The following ADH4 variants were observed in gnomAD, a reference collection of about 807,000 sequenced individuals.
ADH4 encodes all-trans-retinol dehydrogenase [NAD(+)] ADH4.
ADH4 carries 31 observed loss-of-function variants against 35.2 expected under a neutral mutation model. That is an observed-to-expected ratio of 0.88 (90% CI 0.66 to 1.19). ADH4 has a LOEUF of 1.19. Among genes scored for constraint, ADH4 ranks in the 50% most tolerant of loss-of-function variants. ADH4 has a pLI of 0.00. For synonymous variants in ADH4, 171 were observed against 160.2 expected (o/e 1.07, Z -0.51); for missense variants, 476 against 458.3 (o/e 1.04, Z -0.35).
chr4:99,142,623 GCCAGGTCTCCACTT>G, intron 2 of ADH4, 42 bp downstream of exon 2: 3 of 1,170,632 alleles, frequency 2.6e-6, no homozygotes, highest in Non-Finnish European at 3.5e-6. Flanking sequence ...CCTGACAGAA[GCCAGGTCTCCACTT>G]GGGGCCCTGT....
intron 4 of ADH4, among the ~76,000 whole-genome samples, chr4:99,138,181 T>C (rs1200357330): frequency 6.6e-6 from 1 of 152,198 alleles, no homozygotes; most frequent in Non-Finnish European, 1.5e-5. Flanking sequence ...TTTTATAACA[T>C]TTATTAGAAA....
intron 6 of ADH4, among the ~76,000 whole-genome samples, chr4:99,128,068 C>T (rs1366025455): frequency 6.6e-6 from 1 of 151,712 alleles, no homozygotes; most frequent in Non-Finnish European, 1.5e-5. Context: ...ACTGAATCAC[C>T]TAATTTATCA....
chr4:99,127,345 C>T lies in ADH4; in HGVS notation c.844-1G>A, dbSNP rs1197166809. The T allele has an allele frequency of 6.3e-7, 1 of 1,589,654 alleles. No homozygotes were observed. Among genetic ancestry groups the T allele is most frequent in the Non-Finnish European group, 8.6e-7 (1 of 1,169,438 alleles). On this transcript the variant is annotated splice_acceptor_variant, in intron 6 of 8. Transcript: ENST00000265512. LOFTEE classifies it high-confidence loss of function. The stretch of plus-strand genomic sequence containing the variant: ...CGGTTGTACAGTCCAGGGCTGCTTT[C>T]TGTGATGGAGCATAAAAGAATACTT...
chr4:99,136,734 G>C, intron 4 of ADH4, 37 bp from the exon 5 acceptor site: 2 of 1,353,750 alleles, frequency 1.5e-6, no homozygotes, highest in Non-Finnish European at 2.1e-6. Flanking sequence ...CAAATAAAGA[G>C]AAGTTATAAT....
chr4:99,132,470 CT>C (rs1161792131), intron 5 of ADH4, among the ~76,000 whole-genome samples: 1 of 152,096 alleles, frequency 6.6e-6, no homozygotes, highest in Non-Finnish European at 1.5e-5. Context: ...CAATGCCTGT[CT>C]TTTTGCTTTT....
intron 1 of ADH4, chr4:99,143,384 A>AG (rs1729699638): frequency 4.2e-6 from 2 of 477,840 alleles, no homozygotes; most frequent in Admixed American, 6.7e-5. Context: ...ATTTATCTGT[A>AG]GGATATAAAT....
At chr4:99,144,055 A>G in intron 1 of ADH4, 150 bp downstream of exon 1, 1 of 789,414 alleles carries the variant, frequency 1.3e-6, no homozygotes, top group Non-Finnish European at 2.0e-6. Flanking sequence ...TAATTTCCCT[A>G]GAATAAATTC....
chr4:99,136,776 A>G (rs1729448663), intron 4 of ADH4, 79 bp from the exon 5 acceptor site: 1 of 889,852 alleles, frequency 1.1e-6, no homozygotes, highest in South Asian at 1.7e-5. Flanking sequence ...CCTACAAAAT[A>G]TGTTGAGCAT....
intron 2 of ADH4, among the ~76,000 whole-genome samples, chr4:99,141,886 C>A (rs1729636742): frequency 6.6e-6 from 1 of 152,060 alleles, no homozygotes; most frequent in African/African-American, 2.4e-5. Flanking sequence ...TGTTTTCTAC[C>A]TTTTGCTGTT....
At chr4:99,132,593 AAG>A (rs1211042870) in intron 5 of ADH4, among the ~76,000 whole-genome samples, 1 of 152,200 alleles carries the variant, frequency 6.6e-6, no homozygotes, top group East Asian at 1.9e-4. Flanking sequence ...ATTATTATGA[AAG>A]AGTCTTCTGT....
intron 8 of ADH4, among the ~76,000 whole-genome samples, chr4:99,125,389 T>G (rs1729055165): frequency 6.6e-6 from 1 of 152,218 alleles, no homozygotes; most frequent in African/African-American, 2.4e-5. Flanking sequence ...TGTGGGAGAC[T>G]TGCCCATAAA....
intron 1 of ADH4, chr4:99,143,187 G>T: frequency 1.4e-6 from 1 of 702,058 alleles, no homozygotes; most frequent in East Asian, 2.7e-5. Context: ...AATTGCTGGA[G>T]AATAGATGTG....
chr4:99,139,413 C>T (rs1729542732), intron 3 of ADH4, among the ~76,000 whole-genome samples: 1 of 152,164 alleles, frequency 6.6e-6, no homozygotes, highest in Admixed American at 6.5e-5. Context: ...TGGGACTTTG[C>T]TGTCATTGTG....
chr4:99,139,142 T>G lies in ADH4; in HGVS notation c.269A>C (p.Lys90Thr). The G allele has an allele frequency of 6.2e-7, 1 of 1,612,316 alleles. No homozygotes were observed. Among genetic ancestry groups the G allele is most frequent in the African/African-American group, 1.3e-5 (1 of 75,006 alleles). ...TAGAGGTGCATAAAGTGGAATTACT[T>G]TGTCACCTAGAAAGAAAGGCCATAT... ...PGVTNVKPGD[K>T]VIPLYAPLCR... Residue 90 changes from lysine to threonine, a missense_variant, in exon 4 of 9, where the codon AAA becomes ACA. Physicochemically the swap from Lys to Thr is moderately conservative, Grantham distance 78. Transcript: ENST00000265512.
At chr4:99,141,459 T>C in intron 3 of ADH4, 82 bp downstream of exon 3, 1 of 1,371,070 alleles carries the variant, frequency 7.3e-7, no homozygotes, top group East Asian at 2.4e-5. Context: ...AGATCAATTA[T>C]AGCATGCCAA....
intron 4 of ADH4, among the ~76,000 whole-genome samples, chr4:99,138,755 C>A (rs1560780282): frequency 6.6e-6 from 1 of 152,108 alleles, no homozygotes; most frequent in Non-Finnish European, 1.5e-5. Flanking sequence ...ACATGCAGCT[C>A]AAGTTTAGCC....
intron 3 of ADH4, among the ~76,000 whole-genome samples, chr4:99,139,594 A>G (rs1008839952): frequency 6.6e-6 from 1 of 152,162 alleles, no homozygotes; most frequent in African/African-American, 2.4e-5. Context: ...CCACTTTTTA[A>G]TAAATTCCAA....
chr4:99,143,325 C>A, intron 1 of ADH4: 1 of 671,398 alleles, frequency 1.5e-6, no homozygotes. Flanking sequence ...AACAATATCC[C>A]CAGAGAATTC....
chr4:99,129,840 T>G (rs954558596), intron 6 of ADH4, among the ~76,000 whole-genome samples: 4 of 152,190 alleles, frequency 2.6e-5, no homozygotes, highest in African/African-American at 9.7e-5. Flanking sequence ...ACCAGAAAAT[T>G]TCTCATGCAG....
Sources: allele counts gnomAD v4.1 joint callset (sites outside exome capture counted in the v4.1 genomes callset), GRCh38; gene constraint gnomAD v4.1.1; transcripts MANE v1.5; gene names NCBI Gene and HGNC (gene_info 2026-07-23, HGNC 2026-07-21).